NUBPL: variants seen among roughly 807,000 people sequenced by gnomAD.
The protein encoded by NUBPL is NUBP iron-sulfur cluster assembly factor, mitochondrial.
NUBPL carries 31 observed loss-of-function variants against 45.7 expected under a neutral mutation model. The ratio of observed to expected loss-of-function variants is 0.68; its 90% confidence interval spans 0.51 to 0.92. The LOEUF is 0.92. Ranked by LOEUF, NUBPL falls within the 40% of genes least tolerant of loss-of-function variation. The probability of loss-of-function intolerance (pLI) is 0.00; values close to 1 mark genes in which losing one functional copy is unlikely to be tolerated. For synonymous variants in NUBPL, 144 were observed against 140.9 expected (o/e 1.02, Z -0.15); for missense variants, 401 against 398.7 (o/e 1.01, Z -0.05).
At chr14:31,695,709 A>T (rs963035449) in intron 6 of NUBPL, among the ~76,000 whole-genome samples, 2 of 152,160 alleles carry the variant, frequency 1.3e-5, no homozygotes, top group African/African-American at 4.8e-5. Flanking sequence ...CCCTCACAAG[A>T]TGCTGGTATC....
chr14:31,802,594 A>G (rs1372239796), intron 7 of NUBPL, among the ~76,000 whole-genome samples: 1 of 152,076 alleles, frequency 6.6e-6, no homozygotes, highest in East Asian at 1.9e-4. Flanking sequence ...TTTCTACACA[A>G]TGTCATGACG....
At chr14:31,598,276 GT>G (rs557804390) in intron 3 of NUBPL, among the ~76,000 whole-genome samples, 2 of 151,528 alleles carry the variant, frequency 1.3e-5, no homozygotes, top group African/African-American at 4.9e-5. Flanking sequence ...AATTTAAAAA[GT>G]TTTTTTTTGT....
At chr14:31,622,223 A>G (rs1377030321) in intron 4 of NUBPL, among the ~76,000 whole-genome samples, 1 of 152,198 alleles carries the variant, frequency 6.6e-6, no homozygotes, top group Non-Finnish European at 1.5e-5. Context: ...AGCATTCAAG[A>G]TGTGACCTGG....
intron 4 of NUBPL, among the ~76,000 whole-genome samples, chr14:31,604,032 A>G (rs1351558370): frequency 6.6e-6 from 1 of 152,158 alleles, no homozygotes; most frequent in Non-Finnish European, 1.5e-5. Context: ...TCTGCTTGGT[A>G]TATGCCAACA....
intron 6 of NUBPL, among the ~76,000 whole-genome samples, chr14:31,716,411 T>C (rs908344308): frequency 1.3e-5 from 2 of 152,228 alleles, no homozygotes; most frequent in Non-Finnish European, 2.9e-5. Flanking sequence ...GTAGATTTGT[T>C]TATACCAGCA....
intron 8 of NUBPL, among the ~76,000 whole-genome samples, chr14:31,843,534 C>A (rs12432404): frequency 0.26 from 39,875 of 152,110 alleles, 5,883 homozygotes; most frequent in East Asian, 0.47. Context: ...CTCTTGCTTA[C>A]AACTCTGTAA....
chr14:31,810,748 G>C (rs1332029631), intron 7 of NUBPL, among the ~76,000 whole-genome samples: 1 of 152,146 alleles, frequency 6.6e-6, no homozygotes, highest in African/African-American at 2.4e-5. Context: ...TTTTGCAGTG[G>C]CTGGTACTTA....
At chr14:31,768,244 C>A (rs1036721287) in intron 6 of NUBPL, among the ~76,000 whole-genome samples, 7 of 152,212 alleles carry the variant, frequency 4.6e-5, no homozygotes, top group Non-Finnish European at 1.0e-4. Context: ...ATATTCTCAT[C>A]TTAGATAGCT....
chr14:31,601,922 A>G (rs1595351142), intron 4 of NUBPL, among the ~76,000 whole-genome samples: 1 of 152,336 alleles, frequency 6.6e-6, no homozygotes, highest in East Asian at 1.9e-4. Flanking sequence ...TCATGCTGCT[A>G]TAAAGACACG....
intron 6 of NUBPL, among the ~76,000 whole-genome samples, chr14:31,695,902 T>A (rs1269088126): frequency 6.6e-6 from 1 of 152,250 alleles, no homozygotes; most frequent in Non-Finnish European, 1.5e-5. Flanking sequence ...CTTCACTAAT[T>A]TACTTTTATT....
intron 6 of NUBPL, among the ~76,000 whole-genome samples, chr14:31,783,809 C>T (rs1325704854): frequency 2.6e-5 from 4 of 152,290 alleles, no homozygotes; most frequent in East Asian, 3.9e-4. Flanking sequence ...TGAGCCACCA[C>T]ACCTGGCCAA....
At chr14:31,727,680 C>T (rs1168210507) in intron 6 of NUBPL, among the ~76,000 whole-genome samples, 1 of 152,172 alleles carries the variant, frequency 6.6e-6, no homozygotes, top group East Asian at 1.9e-4. Context: ...TTGGGCCACA[C>T]TTAGTTTGTA....
intron 8 of NUBPL, among the ~76,000 whole-genome samples, chr14:31,834,202 GAC>G (rs2040238112): frequency 1.7e-4 from 6 of 35,700 alleles, no homozygotes; most frequent in African/African-American, 1.3e-3. Context: ...TTTTTTTTGA[GAC>G]AGAGTCTTGC....
intron 6 of NUBPL, among the ~76,000 whole-genome samples, chr14:31,697,029 A>C (rs1333112833): frequency 6.6e-6 from 1 of 152,236 alleles, no homozygotes; most frequent in Non-Finnish European, 1.5e-5. Flanking sequence ...AAATTTGACC[A>C]GTGTTTCAAA....
intron 6 of NUBPL, among the ~76,000 whole-genome samples, chr14:31,741,184 G>A (rs1422173822): frequency 3.9e-5 from 6 of 152,118 alleles, no homozygotes; most frequent in Admixed American, 3.9e-4. Context: ...TTCCTAGCCA[G>A]GCATGATGTA....
chr14:31,638,440 G>C (rs1362289673), intron 4 of NUBPL, among the ~76,000 whole-genome samples: 1 of 151,766 alleles, frequency 6.6e-6, no homozygotes, highest in Non-Finnish European at 1.5e-5. Context: ...GGCTTGTAGA[G>C]TTTCTGCCGA....
chr14:31,653,901 G>C (rs1002426383), intron 4 of NUBPL, among the ~76,000 whole-genome samples: 3 of 152,152 alleles, frequency 2.0e-5, no homozygotes, highest in Non-Finnish European at 2.9e-5. Flanking sequence ...GTGTTCCTCT[G>C]CTGCGGCTCC....
chr14:31,722,301 C>G (rs138417013), intron 6 of NUBPL, among the ~76,000 whole-genome samples: 6 of 152,274 alleles, frequency 3.9e-5, no homozygotes, highest in Non-Finnish European at 8.8e-5. Context: ...TAAGCCACCA[C>G]GCCCGGCCAT....
chr14:31,645,075 T>C (rs1290541759), intron 4 of NUBPL, among the ~76,000 whole-genome samples: 2 of 151,310 alleles, frequency 1.3e-5, no homozygotes, highest in South Asian at 2.1e-4. Context: ...TTTTCTTTTT[T>C]TTTTTTTTGA....
Sources: allele counts gnomAD v4.1 joint callset (sites outside exome capture counted in the v4.1 genomes callset), GRCh38; gene constraint gnomAD v4.1.1; transcripts MANE v1.5; gene names NCBI Gene and HGNC (gene_info 2026-07-23, HGNC 2026-07-21).